KAT2A: variants seen among roughly 807,000 people sequenced by gnomAD.
The protein encoded by KAT2A is lysine acetyltransferase 2A.
KAT2A carries 42 observed loss-of-function variants against 95.2 expected under a neutral mutation model. The ratio of observed to expected loss-of-function variants is 0.44; its 90% CI spans 0.34 to 0.57. The LOEUF is 0.57. Ranked by LOEUF, KAT2A falls within the 20% of genes least tolerant of loss-of-function variation. The probability of loss-of-function intolerance (pLI) is 0.01; values close to 1 mark genes in which losing one functional copy is unlikely to be tolerated. For missense variants in KAT2A, 784 were observed against 1,126.3 expected (o/e 0.70, Z 4.35); for synonymous variants, 449 against 448.2 (o/e 1.00, Z -0.02).
chr17:42,117,013 G>A lies in KAT2A; in HGVS notation c.1764+22C>T. 2 of 1,612,724 alleles carry A rather than the reference G, an allele frequency of 1.2e-6. No homozygotes were observed. Among genetic ancestry groups the A allele is most frequent in the African/African-American group, 1.3e-5 (1 of 75,068 alleles). The stretch of plus-strand genomic sequence containing the variant: ...CAGGAGTGGGCCGTGGACTGGGGCT[G>A]GGGCCGGGGAGCCGCGCTCACCTTG... On this transcript the variant is annotated intron_variant, in intron 11 of 17. Coordinates refer to ENST00000225916, the MANE Select transcript of KAT2A (RefSeq NM_021078.3). The surrounding 1 kb of genome is among the most constrained non-coding windows in gnomAD (Gnocchi z 8.9).
chr17:42,116,544 A>G (rs2054260805), intron 11 of KAT2A, among the ~76,000 whole-genome samples: 1 of 149,972 alleles, frequency 6.7e-6, no homozygotes. Context: ...ACCCTGCAAC[A>G]TGGTGAAACC....
chr17:42,113,678 G>A lies in KAT2A; in HGVS notation c.2485C>T (p.Leu829Phe). 6.2e-7 allele frequency: 1 copy of A among 1,611,340 alleles called. No homozygotes were observed. The highest frequency in any genetic ancestry group is 8.5e-7 in the Non-Finnish European group (1 of 1,179,198). Residue 829 changes from leucine (L) to phenylalanine (F), a missense_variant, in exon 18 of 18, where the codon CTC (leucine) becomes TTC (phenylalanine). Around this residue, in one of 6 missense-constraint regions of KAT2A, gnomAD observed 195 missense variants for 247.1 expected, o/e 0.79. Transcript: ENST00000225916. ...TTGTCAATGAGGCCTCCCTCCTTGA[G>A]CTTGAAGTAGAAGAACTTCTCCAGG... ...SALEKFFYFK[L>F]KEGGLIDK
chr17:42,119,460 G>A lies in KAT2A; in HGVS notation c.882-24C>T, dbSNP rs1555666834. 6.3e-7 allele frequency: 1 copy of A among 1,596,486 alleles called. No homozygotes were observed. Among genetic ancestry groups the A allele is most frequent in the Admixed American group, 1.7e-5 (1 of 58,904 alleles). Reference sequence around the variant, plus strand: ...ATCTGGAGTAGGGGGTCGAGGGGGAGACAGGTGAGGGCGGAAACCACTGAA... The same window carrying A: ...ATCTGGAGTAGGGGGTCGAGGGGGAAACAGGTGAGGGCGGAAACCACTGAA... On this transcript the variant is annotated intron_variant, in intron 5 of 17. Transcript: ENST00000225916. The surrounding 1 kb of genome is among the most constrained non-coding windows in gnomAD (Gnocchi z 5.3).
In KAT2A at chr17:42,121,098, C is replaced by G. The variant is rs782044797; in HGVS notation, c.207G>C (p.Gly69=). 1 of 1,535,084 alleles carries G rather than the reference C, an allele frequency of 6.5e-7. No homozygotes were observed. ...GAGCCGGATCCCCCCCGCTCCCGGC[C>G]CCCCCACTTCCTACCCCGGGCCCCC... The part of the protein sequence containing the change: ...GTGGPGVGSG[G]AGSGGDPARP... Residue 69 remains glycine (G), a synonymous_variant, in exon 1 of 18, where the codon GGG becomes GGC. Transcript: ENST00000225916.
At chr17:42,118,510 G>T in intron 6 of KAT2A, 107 bp from the exon 7 acceptor site, 1 of 761,416 alleles carries the variant, frequency 1.3e-6, no homozygotes, top group Non-Finnish European at 2.3e-6. Context: ...TGCTCTTAGG[G>T]AACTGGGGAC....
Position 42,114,216 on chromosome 17 carries a change from CACCTT to C in KAT2A, c.2233_2235+2del. 6.3e-7 allele frequency: 1 copy of C among 1,595,044 alleles called. No homozygotes were observed. On this transcript the variant is annotated splice_donor_variant and coding_sequence_variant, in exon 16 of 18. Transcript: ENST00000225916. LOFTEE classifies it high-confidence loss of function. This position sits in a 1 kb window ranked among gnomAD's most constrained non-coding sequence, Gnocchi z 6.0. ...CCCTGGAAAGGAAACCTGGTCTCCC[CACCTT>C]GATTTGGGCCAGCAGGTTTTTGAGG...
In KAT2A at chr17:42,117,339, AGGGAACT is replaced by A; in HGVS notation, c.1637+42_1637+48del. 6.3e-7 allele frequency: 1 copy of A among 1,593,828 alleles called. No homozygotes were observed. The highest frequency in any genetic ancestry group is 8.6e-7 in the Non-Finnish European group (1 of 1,163,612). ...TGAGGAGTGAAGAGGCCGAGGAGGA[AGGGAACT>A]GGGTGTGCTGCCCTGGGGGAGGGGC... On this transcript the variant is annotated intron_variant, in intron 10 of 17. Coordinates refer to ENST00000225916, the MANE Select transcript of KAT2A (RefSeq NM_021078.3). The surrounding 1 kb of genome is among the most constrained non-coding windows in gnomAD (Gnocchi z 8.9).
rs1555666916 is a variant in KAT2A, at chr17:42,119,842, G to A, written c.700-124C>T. ...GTTCTCCTTCTCCTCTCTCTCTCGG[G>A]TGCTCTCTATAGAAAAGCTCTGCCC... is the stretch of plus-strand genomic sequence containing the variant. On this transcript the variant is annotated intron_variant, in intron 4 of 17. Coordinates refer to ENST00000225916, the MANE Select transcript of KAT2A (RefSeq NM_021078.3). The surrounding 1 kb of genome is among the most constrained non-coding windows in gnomAD (Gnocchi z 5.3). The A allele has an allele frequency of 2.0e-6, 2 of 1,004,516 alleles. No homozygotes were observed. Among genetic ancestry groups the A allele is most frequent in the East Asian group, 2.6e-5 (1 of 38,704 alleles). The allele number at this position is 1,004,516 out of a possible 1,614,324, so 62.2% of individuals were successfully genotyped here.
In KAT2A at chr17:42,113,762, T is replaced by C. The variant is rs1482449149; in HGVS notation, c.2401A>G (p.Ile801Val). 9 of 1,610,714 alleles carry C rather than the reference T, an allele frequency of 5.6e-6. No homozygotes were observed. The highest frequency in any genetic ancestry group is 2.2e-5 in the East Asian group (1 of 44,784). Residue 801 changes from isoleucine (I) to valine (V), a missense_variant, in exon 18 of 18, where the codon ATC becomes GTC. Ile to Val is a conservative substitution (Grantham distance 29). Around this residue, in one of 6 missense-constraint regions of KAT2A, gnomAD observed 195 missense variants for 247.1 expected, o/e 0.79. Coordinates refer to ENST00000225916, the MANE Select transcript of KAT2A (RefSeq NM_021078.3). Reference protein sequence around the residue: ...KLFVADLQRVIANCREYNPPD... With the variant: ...KLFVADLQRVVANCREYNPPD... Reference sequence around the variant, plus strand: ...GGGTTGTACTCGCGACAGTTGGCGATGACCCGCTGCAGGTCGGCCACAAAG... The same window carrying C: ...GGGTTGTACTCGCGACAGTTGGCGACGACCCGCTGCAGGTCGGCCACAAAG...
rs782192804 is a variant in KAT2A at position 42,121,017 on chromosome 17, C to G, written c.288G>C (p.Gly96=). ...TCTCAAGCTTCTTGGCGCGCGGCAG[C>G]CCCCGGACTTGCGCCTTCCTCTGAC... is the stretch of plus-strand genomic sequence containing the variant. ...RASQRKAQVR[G]LPRAKKLEKL... is the part of the protein sequence containing the mutation. Residue 96 remains glycine (G), a synonymous_variant, in exon 1 of 18, where the codon GGG becomes GGC. Coordinates refer to ENST00000225916, the MANE Select transcript of KAT2A (RefSeq NM_021078.3). The G allele has an allele frequency of 6.3e-6, 10 of 1,594,410 alleles. No individual in the cohort carries two copies. The highest frequency in any genetic ancestry group is 1.1e-5 in the South Asian group (1 of 87,890).
rs1555667234 is a variant in KAT2A, at chr17:42,121,086, C to G, written c.219G>C (p.Gly73=). The change falls in exon 1 of 18, where the codon GGG becomes GGC. Residue 73 remains glycine (G), a synonymous_variant. Coordinates refer to ENST00000225916, the MANE Select transcript of KAT2A (RefSeq NM_021078.3). ...PGVGSGGAGS[G]GDPARPGLSQ... ...TCAGGCCAGGTCGAGCCGGATCCCC[C>G]CCGCTCCCGGCCCCCCCACTTCCTA... 3 of 1,551,082 alleles carry G rather than the reference C, an allele frequency of 1.9e-6. No individual in the cohort carries two copies. The highest frequency in any genetic ancestry group is 1.4e-5 in the African/African-American group (1 of 73,810).
rs782751589 is a variant in KAT2A, at chr17:42,120,208, C to G, written c.609+17G>C. 5.0e-6 allele frequency: 8 copies of G among 1,614,158 alleles called. No homozygotes were observed. In the Admixed American group the frequency reaches 1.3e-4, roughly 27 times the overall value. On this transcript the variant is annotated intron_variant, in intron 3 of 17. Coordinates refer to ENST00000225916, the MANE Select transcript of KAT2A (RefSeq NM_021078.3). ...CCCCACCTCCTTCACTCACACCCTC[C>G]TTTAGTGGAAGCTCACCTTGAAGAG...
intron 11 of KAT2A, 100 bp from the exon 12 acceptor site, chr17:42,115,933 TAG>T (rs1264604879): frequency 1.3e-5 from 10 of 767,154 alleles, no homozygotes; most frequent in Non-Finnish European, 2.4e-5. Flanking sequence ...GGAAAGGAGG[TAG>T]AGAGAGCGAG....
intron 11 of KAT2A, among the ~76,000 whole-genome samples, chr17:42,116,223 T>C (rs1370038827): frequency 6.6e-6 from 1 of 151,670 alleles, no homozygotes; most frequent in Non-Finnish European, 1.5e-5. Flanking sequence ...TGATTCCCAG[T>C]CCCTGGGCCT....
Position 42,121,092 on chromosome 17 carries a change from C to T in KAT2A, c.213G>A (p.Gly71=), listed in dbSNP as rs782155534. ...CAGGTCGAGCCGGATCCCCCCCGCTCCCGGCCCCCCCACTTCCTACCCCGG... is the reference window on the plus strand; with the variant it reads ...CAGGTCGAGCCGGATCCCCCCCGCTTCCGGCCCCCCCACTTCCTACCCCGG... ...GGPGVGSGGA[G]SGGDPARPGL... is the part of the protein sequence containing the mutation. Residue 71 remains glycine (G), a synonymous_variant, in exon 1 of 18, where the codon GGG becomes GGA. Coordinates refer to ENST00000225916, the MANE Select transcript of KAT2A (RefSeq NM_021078.3). 59 of 1,541,374 alleles carry T rather than the reference C, an allele frequency of 3.8e-5. 1 individual carries two copies. Among genetic ancestry groups the T allele is most frequent in the Admixed American group, 1.5e-4 (8 of 52,302 alleles).
At chr17:42,116,770 T>A (rs1335247399) in intron 11 of KAT2A, among the ~76,000 whole-genome samples, 4 of 152,184 alleles carry the variant, frequency 2.6e-5, no homozygotes, top group Admixed American at 2.6e-4. Flanking sequence ...TTCCCCCATG[T>A]ATGTAAATGT....
At chr17:42,115,630 G>A (rs1413918768) in intron 12 of KAT2A, 93 bp downstream of exon 12, 29 of 804,752 alleles carry the variant, frequency 3.6e-5, no homozygotes, top group East Asian at 9.8e-5. Flanking sequence ...AGTAGGGGAC[G>A]CAAAGGGACT....
Position 42,115,730 on chromosome 17 carries a change from T to A in KAT2A, c.1868A>T (p.Lys623Ile). The change falls in exon 12 of 18, where the codon AAA becomes ATA. Residue 623 changes from lysine to isoleucine, a missense_variant. Lys to Ile is a moderately radical substitution (Grantham distance 102). Coordinates refer to ENST00000225916, the MANE Select transcript of KAT2A (RefSeq NM_021078.3). ...GACGAGGCTACGGGTCACCTGCTTT[T>A]TGAAGTAGCCGATGGCGTACTCGTC... ...YADEYAIGYF[K>I]KQGFSKDIKV... 1.2e-6 allele frequency: 2 copies of A among 1,607,482 alleles called. No individual in the cohort carries two copies. The highest frequency in any genetic ancestry group is 1.7e-6 in the Non-Finnish European group (2 of 1,173,956).
rs371666045 is a variant in KAT2A at position 42,117,614 on chromosome 17, G to A, written c.1429-18C>T. 3.1e-6 allele frequency: 5 copies of A among 1,608,654 alleles called. No individual in the cohort carries two copies. Among genetic ancestry groups the A allele is most frequent in the African/African-American group, 1.3e-5 (1 of 74,868 alleles). On this transcript the variant is annotated intron_variant, in intron 9 of 17. Transcript: ENST00000225916. This position sits in a 1 kb window ranked among gnomAD's most constrained non-coding sequence, Gnocchi z 8.9. ...AGGCTCGTCTGGGCACAGAAGAGGG[G>A]TGGTGAGCCGGGGTCTCAGGTTGGT...
Sources: gnomAD v4.1 joint callset for allele counts (sites outside exome capture counted in the v4.1 genomes callset) on GRCh38, gnomAD v4.1.1 for gene constraint, gnomAD v4.1.1 regional missense constraint, Gnocchi (gnomAD v3.1) non-coding constraint, MANE v1.5 for transcripts, NCBI Gene and HGNC (gene_info 2026-07-23, HGNC 2026-07-21) for gene names.